The following FBN3 variants were observed in gnomAD, a reference collection of about 807,000 sequenced individuals.
FBN3 encodes fibrillin 3.
FBN3 carries 234 observed loss-of-function variants against 330.1 expected under a neutral mutation model. The ratio of observed to expected loss-of-function variants is 0.71; its 90% CI spans 0.64 to 0.79. The LOEUF is 0.79. Among genes scored for constraint, FBN3 ranks in the 30% least tolerant of loss-of-function variants. The pLI is 0.00. For missense variants in FBN3, 3,606 were observed against 3,886.9 expected (o/e 0.93, Z 1.92); for synonymous variants, 1,458 against 1,517.3 (o/e 0.96, Z 0.91).
intron 26 of FBN3, 56 bp from the exon 27 acceptor site, chr19:8,117,645 C>T: frequency 6.7e-7 from 1 of 1,486,176 alleles, no homozygotes; most frequent in East Asian, 2.5e-5. Context: ...GTCTGTGTGA[C>T]CATGAGACAC....
rs1430059077 is a variant in FBN3 at position 8,085,502 on chromosome 19, AC to A, written c.6947del (p.Ser2316MetfsTer49). 4 of 1,594,262 alleles carry A rather than the reference AC, an allele frequency of 2.5e-6. No homozygotes were observed. In the African/African-American group the frequency reaches 4.0e-5, roughly 16 times the overall value. On this transcript the variant is annotated frameshift_variant, in exon 56 of 64. Transcript: ENST00000600128. LOFTEE classifies it high-confidence loss of function. ...QTMCRSLSSS[S>X]EAVTRAECCC... is the part of the protein sequence containing the mutation. Reference sequence around the variant, plus strand: ...AGCACTCGGCCCTGGTGACAGCCTCACTGCTGCTGGACAGAGACCGGCACAT... The same window carrying A: ...AGCACTCGGCCCTGGTGACAGCCTCATGCTGCTGGACAGAGACCGGCACAT...
chr19:8,135,936 G>GGGGGGGGGGGCGCC, intron 13 of FBN3, 25 bp downstream of exon 13: 1 of 668,778 alleles, frequency 1.5e-6, no homozygotes, highest in Non-Finnish European at 2.4e-6. Flanking sequence ...GGAAGCCCCT[G>GGGGGGGGGGGCGCC]CCCACCCGCC....
In FBN3 at chr19:8,072,052, T is replaced by C; in HGVS notation, c.8084A>G (p.His2695Arg). ...DRPRRSAHRD[H>R]QVNLATLDSE... Reference sequence around the variant, plus strand: ...CTAGTGCAGCACCCATGTCACCTGGTGGTCCCTGTGGGCACTGCGTCGTGG... The same window carrying C: ...CTAGTGCAGCACCCATGTCACCTGGCGGTCCCTGTGGGCACTGCGTCGTGG... Residue 2695 changes from histidine (H) to arginine (R), a missense_variant, in exon 63 of 64, where the codon CAC (histidine) becomes CGC (arginine). Physicochemically the swap from His to Arg is conservative, Grantham distance 29. Transcript: ENST00000600128. 1 of 1,611,662 alleles carries C rather than the reference T, an allele frequency of 6.2e-7. No individual in the cohort carries two copies. Among genetic ancestry groups the C allele is most frequent in the South Asian group, 1.1e-5 (1 of 91,038 alleles).
chr19:8,079,001 G>T (rs8107185), intron 59 of FBN3, among the ~76,000 whole-genome samples: 93,949 of 151,776 alleles, frequency 0.62, 30,571 homozygotes, highest in African/African-American at 0.82. Flanking sequence ...GGCTGGTCTC[G>T]AACTCCTGGC....
At chr19:8,134,166 C>T (rs145932639) in intron 13 of FBN3, among the ~76,000 whole-genome samples, 9,497 of 151,838 alleles carry the variant, frequency 0.063, 365 homozygotes, top group East Asian at 0.17. Context: ...GATGTGAACC[C>T]GGGAGGTGGA....
At chr19:8,111,541 T>G in intron 32 of FBN3, 107 bp downstream of exon 32, 1 of 1,266,270 alleles carries the variant, frequency 7.9e-7, no homozygotes, top group Non-Finnish European at 1.1e-6. Context: ...AGAGCGGCGA[T>G]TGAGTCAGAA....
At chr19:8,087,692 C>T (rs111581375) in intron 53 of FBN3, 133 bp downstream of exon 53, 65,720 of 734,468 alleles carry the variant, frequency 0.089, 3,674 homozygotes, top group South Asian at 0.12. Flanking sequence ...CTGCAACCTC[C>T]GCCTCCCAGG....
intron 59 of FBN3, among the ~76,000 whole-genome samples, chr19:8,075,847 C>T (rs2081627409): frequency 6.6e-6 from 1 of 152,122 alleles, no homozygotes; most frequent in Non-Finnish European, 1.5e-5. Context: ...CATAGGGTTG[C>T]CTGTTGAGTT....
chr19:8,112,118 C>T lies in FBN3; in HGVS notation c.3839-19G>A, dbSNP rs748634248. On this transcript the variant is annotated intron_variant, in intron 30 of 63. Transcript: ENST00000600128. The stretch of plus-strand genomic sequence containing the variant: ...TCCACATCTAAAGGGAGAGGAGGCA[C>T]GACGCCAAGACCCAGTCACAGAAGG... The T allele has an allele frequency of 2.9e-5, 46 of 1,609,584 alleles. No individual in the cohort carries two copies. The highest frequency in any genetic ancestry group is 4.0e-5 in the African/African-American group (3 of 74,680).
Position 8,121,346 on chromosome 19 carries a change from C to G in FBN3, c.3123G>C (p.Gln1041His). The G allele has an allele frequency of 1.9e-6, 3 of 1,613,474 alleles. No individual in the cohort carries two copies. The highest frequency in any genetic ancestry group is 2.5e-6 in the Non-Finnish European group (3 of 1,179,680). Residue 1041 changes from glutamine (Q) to histidine (H), a missense_variant, in exon 25 of 64, where the codon CAG becomes CAC. By Grantham distance (24) the Gln-to-His change is conservative. Transcript: ENST00000600128. The surrounding 1 kb of genome is among the most constrained non-coding windows in gnomAD (Gnocchi z 4.5). ...ECRISPDLCG[Q>H]GTCVNTPGSF... ...TGCCCGGCGTGTTGACACAGGTGCC[C>G]TGGCCGCAGAGGTCAGGAGAGATGC... is the stretch of plus-strand genomic sequence containing the variant.
In FBN3 at chr19:8,146,165, G is replaced by A. The variant is rs758566291; in HGVS notation, c.311C>T (p.Ala104Val). Reference protein sequence around the residue: ...FCSQPNLCTCADGTLAPSCGV... With the variant: ...FCSQPNLCTCVDGTLAPSCGV... ...GCAGCTGGGAGCCAGCGTCCCATCC[G>A]CACAGGTGCACAGGTTGGGCTGGGA... Residue 104 changes from alanine (A) to valine (V), a missense_variant, in exon 4 of 64, where the codon GCG becomes GTG. By Grantham distance (64) the Ala-to-Val change is moderately conservative. Transcript: ENST00000600128. The A allele has an allele frequency of 3.0e-5, 48 of 1,602,416 alleles. No individual in the cohort carries two copies. In the Admixed American group the frequency reaches 4.8e-4, roughly 16 times the overall value.
At chr19:8,093,866 G>C (rs921705195) in intron 47 of FBN3, among the ~76,000 whole-genome samples, 1 of 152,138 alleles carries the variant, frequency 6.6e-6, no homozygotes, top group Non-Finnish European at 1.5e-5. Context: ...GTTATACAAG[G>C]CTAGCCCAGA....
chr19:8,121,148 C>T lies in FBN3; in HGVS notation c.3211+110G>A. On this transcript the variant is annotated intron_variant, in intron 25 of 63. Transcript: ENST00000600128. This position sits in a 1 kb window ranked among gnomAD's most constrained non-coding sequence, Gnocchi z 4.5. Reference sequence around the variant, plus strand: ...AGCTAATTTACAGCTCCTCCCTCCTCCTGCCCCCTCCATCCACGTCCACAC... The same window carrying T: ...AGCTAATTTACAGCTCCTCCCTCCTTCTGCCCCCTCCATCCACGTCCACAC... 1 of 1,082,922 alleles carries T rather than the reference C, an allele frequency of 9.2e-7. No individual in the cohort carries two copies. Among genetic ancestry groups the T allele is most frequent in the South Asian group, 1.6e-5 (1 of 63,540 alleles). The allele number at this position is 1,082,922 out of a possible 1,614,324, so 67.1% of individuals were successfully genotyped here. A position where few individuals can be genotyped will look rare whatever the true frequency, so the allele number is the denominator to read the frequency against.
intron 13 of FBN3, among the ~76,000 whole-genome samples, chr19:8,134,507 G>T (rs1389365913): frequency 6.6e-6 from 1 of 152,082 alleles, no homozygotes; most frequent in East Asian, 1.9e-4. Flanking sequence ...GAGCCCCCCA[G>T]GGCCCCTCCC....
At position 8,087,118 on chromosome 19, in the gene FBN3, G is replaced by A; in HGVS notation, c.6713C>T (p.Pro2238Leu). Residue 2238 changes from proline to leucine, a missense_variant, in exon 54 of 64, where the codon CCA (proline) becomes CTA (leucine). Pro to Leu is a moderately conservative substitution (Grantham distance 98, BLOSUM62 -3). Transcript: ENST00000600128. ...LIGTFACVCP[P>L]GMRPLPGSGE... ...AGAGCCAGGCAGGGGCCGCATGCCT[G>A]GGGGACAGACGCACGCGAAGGTACC... 4.3e-6 allele frequency: 7 copies of A among 1,610,832 alleles called. No individual in the cohort carries two copies. The highest frequency in any genetic ancestry group is 5.9e-6 in the Non-Finnish European group (7 of 1,179,566).
At chr19:8,103,523 T>G (rs375864448) in intron 39 of FBN3, 39 bp downstream of exon 39, 52 of 1,602,320 alleles carry the variant, frequency 3.2e-5, no homozygotes, top group Non-Finnish European at 4.4e-5. Context: ...AGGTGCTGCT[T>G]CTGTGACTGC....
In FBN3 at chr19:8,066,164, C is replaced by T. The variant is rs780445413; in HGVS notation, c.8185G>A (p.Ala2729Thr). 1 of 1,612,836 alleles carries T rather than the reference C, an allele frequency of 6.2e-7. No homozygotes were observed. The highest frequency in any genetic ancestry group is 1.3e-5 in the African/African-American group (1 of 74,928). The change falls in exon 64 of 64, where the codon GCC becomes ACC. Residue 2729 changes from alanine (A) to threonine (T), a missense_variant. By Grantham distance (58) the Ala-to-Thr change is moderately conservative (BLOSUM62 0). Transcript: ENST00000600128. Reference sequence around the variant, plus strand: ...ATCCGGCCCTCTAGACCCTCCAGGGCCGGCCGGAGCTCCAGGATGCGCTCG... The same window carrying T: ...ATCCGGCCCTCTAGACCCTCCAGGGTCGGCCGGAGCTCCAGGATGCGCTCG... ...RAERILELRPALEGLEGRIRY... is the reference protein window; with the variant it reads ...RAERILELRPTLEGLEGRIRY...
intron 63 of FBN3, among the ~76,000 whole-genome samples, chr19:8,067,123 C>CTTTTTTTTTTTTTTTTTTT (rs997965759): frequency 6.8e-6 from 1 of 147,424 alleles, no homozygotes. Flanking sequence ...GTTTCTTCTT[C>CTTTTTTTTTTTTTTTTTTT]TTTTTCTTTT....
chr19:8,140,431 T>A, intron 8 of FBN3, among the ~76,000 whole-genome samples: 1 of 152,320 alleles, frequency 6.6e-6, no homozygotes, highest in East Asian at 1.9e-4. Flanking sequence ...GCCATTGCAC[T>A]CCAGCCTGGG....
Sources: gnomAD v4.1 joint callset for allele counts (sites outside exome capture counted in the v4.1 genomes callset) on GRCh38, gnomAD v4.1.1 for gene constraint, Gnocchi (gnomAD v3.1) non-coding constraint, MANE v1.5 for transcripts, NCBI Gene and HGNC (gene_info 2026-07-23, HGNC 2026-07-21) for gene names.